GON4L: variants seen among roughly 807,000 people sequenced by gnomAD.
GON4L encodes the protein gon-4 like.
GON4L carries 87 observed loss-of-function variants against 211.8 expected under a neutral mutation model. The observed-to-expected ratio is 0.41, with a 90% CI of 0.35 to 0.49. The LOEUF (loss-of-function observed/expected upper bound fraction) is 0.49. Ranked by LOEUF, GON4L falls within the 20% of genes least tolerant of loss-of-function variation. The pLI is 0.15. For synonymous variants in GON4L, 875 were observed against 962.6 expected (o/e 0.91, Z 1.68); for missense variants, 2,155 against 2,659.5 (o/e 0.81, Z 4.17).
chr1:155,753,087 A>C, intron 29 of GON4L, 117 bp downstream of exon 29: 1 of 740,082 alleles, frequency 1.4e-6, no homozygotes, highest in Non-Finnish European at 2.3e-6. Flanking sequence ...CCATCAGTGA[A>C]AGAGGTGGTA....
In GON4L at chr1:155,771,088, T is replaced by C; in HGVS notation, c.2625A>G (p.Arg875=). The C allele has an allele frequency of 6.2e-7, 1 of 1,614,178 alleles. No homozygotes were observed. The highest frequency in any genetic ancestry group is 8.5e-7 in the Non-Finnish European group (1 of 1,180,026). Residue 875 remains arginine, a synonymous_variant, in exon 19 of 32, where the codon AGA becomes AGG. Transcript: ENST00000368331. ...TCACTTTAATGATGTTGTCAGGAGCTCTGTTCATGTTGAGGTTCTTGATTC... is the reference window on the plus strand; with the variant it reads ...TCACTTTAATGATGTTGTCAGGAGCCCTGTTCATGTTGAGGTTCTTGATTC... ...TVRIKNLNMN[R]APDNIIKFYK... is the part of the protein sequence containing the mutation.
At chr1:155,855,501 C>A (rs987402245) in intron 1 of GON4L, among the ~76,000 whole-genome samples, 1 of 152,074 alleles carries the variant, frequency 6.6e-6, no homozygotes, top group South Asian at 2.1e-4. Flanking sequence ...GGATTACGGT[C>A]CCATCCAAGC....
At chr1:155,827,699 C>CA (rs35834212) in intron 2 of GON4L, among the ~76,000 whole-genome samples, 150 of 146,338 alleles carry the variant, frequency 1.0e-3, no homozygotes, top group African/African-American at 3.7e-3. Context: ...CACACACACA[C>CA]AAAAAAAAAA....
upstream of GON4L, among the ~76,000 whole-genome samples, chr1:155,858,281 T>G (rs1672432338): frequency 6.6e-6 from 1 of 152,138 alleles, no homozygotes; most frequent in Non-Finnish European, 1.5e-5. Context: ...AAAAACAGAA[T>G]GTCAAAAGGT....
At chr1:155,831,433 G>C (rs1240760147) in intron 2 of GON4L, 1 of 151,352 alleles carries the variant, frequency 6.6e-6, no homozygotes, top group African/African-American at 2.4e-5. Flanking sequence ...GTGGGCTACA[G>C]AGTAAGACTC....
intron 2 of GON4L, among the ~76,000 whole-genome samples, chr1:155,837,907 T>C (rs1174175277): frequency 1.3e-5 from 2 of 152,214 alleles, no homozygotes; most frequent in East Asian, 3.8e-4. Flanking sequence ...CAGCTATCTT[T>C]AATAAAGTCC....
intron 2 of GON4L, among the ~76,000 whole-genome samples, chr1:155,830,398 C>T (rs971146662): frequency 6.6e-6 from 1 of 151,664 alleles, no homozygotes; most frequent in African/African-American, 2.4e-5. Context: ...CTGGCTCAGC[C>T]TCCCGAGTGG....
intron 11 of GON4L, among the ~76,000 whole-genome samples, chr1:155,797,246 C>A (rs1363690392): frequency 6.6e-6 from 1 of 151,968 alleles, no homozygotes; most frequent in Non-Finnish European, 1.5e-5. Flanking sequence ...TCCCGAGTAG[C>A]TGGGACTACA....
chr1:155,765,880 A>G lies in GON4L; in HGVS notation c.3593T>C (p.Leu1198Pro). The G allele has an allele frequency of 1.9e-6, 3 of 1,614,178 alleles. No individual in the cohort carries two copies. Among genetic ancestry groups the G allele is most frequent in the Non-Finnish European group, 2.5e-6 (3 of 1,180,018 alleles). ...TAAGGGTGAGACAGAGGAGGCCACA[A>G]GGGACTGGTTCAATGGACAGGGGAA... is the stretch of plus-strand genomic sequence containing the variant. The part of the protein sequence containing the change: ...TSFPCPLNQS[L>P]VASSVSPLIV... Residue 1198 changes from leucine to proline, a missense_variant, in exon 21 of 32, where the codon CTT becomes CCT. By Grantham distance (98) the Leu-to-Pro change is moderately conservative. Coordinates refer to ENST00000368331, the MANE Select transcript of GON4L (RefSeq NM_001282860.2).
chr1:155,820,411 G>A (rs1344115450), intron 6 of GON4L, among the ~76,000 whole-genome samples, 195 bp downstream of exon 6: 1 of 152,154 alleles, frequency 6.6e-6, no homozygotes, highest in Non-Finnish European at 1.5e-5. Flanking sequence ...AAAAAGCAAT[G>A]CTTCATATCT....
At chr1:155,780,048 C>T (rs764464107) in intron 14 of GON4L, among the ~76,000 whole-genome samples, 1 of 152,030 alleles carries the variant, frequency 6.6e-6, no homozygotes, top group Non-Finnish European at 1.5e-5. Context: ...ATCCACCTGC[C>T]TTGGCCTCCC....
intron 11 of GON4L, among the ~76,000 whole-genome samples, chr1:155,797,923 T>G (rs1380795869): frequency 6.6e-6 from 1 of 150,782 alleles, no homozygotes; most frequent in Non-Finnish European, 1.5e-5. Flanking sequence ...ACAAATGACT[T>G]TTTAAAAATT....
chr1:155,771,083 G>A lies in GON4L; in HGVS notation c.2630C>T (p.Pro877Leu). 4 of 1,614,170 alleles carry A rather than the reference G, an allele frequency of 2.5e-6. No homozygotes were observed. The highest frequency in any genetic ancestry group is 3.4e-6 in the Non-Finnish European group (4 of 1,180,028). ...AACACTCACTTTAATGATGTTGTCA[G>A]GAGCTCTGTTCATGTTGAGGTTCTT... ...RIKNLNMNRA[P>L]DNIIKFYKKT... is the part of the protein sequence containing the mutation. The change falls in exon 19 of 32, where the codon CCT becomes CTT. Residue 877 changes from proline to leucine, a missense_variant. Around this residue, in one of 6 missense-constraint regions of GON4L, gnomAD observed 551 missense variants for 854.0 expected, o/e 0.65. Transcript: ENST00000368331.
At chr1:155,800,140 G>A (rs952052625) in intron 11 of GON4L, among the ~76,000 whole-genome samples, 1 of 151,878 alleles carries the variant, frequency 6.6e-6, no homozygotes, top group Non-Finnish European at 1.5e-5. Flanking sequence ...CAGAGGTTGC[G>A]GTGAGCTGAG....
intron 12 of GON4L, among the ~76,000 whole-genome samples, 155 bp from the exon 13 acceptor site, chr1:155,785,529 G>A (rs558984560): frequency 6.6e-6 from 1 of 152,180 alleles, no homozygotes; most frequent in East Asian, 1.9e-4. Context: ...ATGTCACTCA[G>A]GCTGGAGCGC....
At chr1:155,749,026 G>T (rs999974760), downstream of GON4L, among the ~76,000 whole-genome samples, 1 of 152,142 alleles carries the variant, frequency 6.6e-6, no homozygotes. Context: ...GGCTGAGGTG[G>T]GCAGATCACC....
intron 2 of GON4L, among the ~76,000 whole-genome samples, chr1:155,835,288 A>G (rs1477145083): frequency 6.6e-6 from 1 of 151,934 alleles, no homozygotes; most frequent in African/African-American, 2.4e-5. Flanking sequence ...TTAAGTCATC[A>G]CCACTCCCTA....
chr1:155,775,847 C>T (rs914254133), intron 16 of GON4L, among the ~76,000 whole-genome samples: 17 of 152,098 alleles, frequency 1.1e-4, no homozygotes, highest in Middle Eastern at 3.2e-3. Flanking sequence ...TGCAGTGGCG[C>T]GATCTCAGCT....
intron 20 of GON4L, 117 bp downstream of exon 20, chr1:155,767,308 T>C (rs1662616189): frequency 1.2e-6 from 2 of 1,604,278 alleles, no homozygotes; most frequent in African/African-American, 1.3e-5. Flanking sequence ...ATCAGGAAGA[T>C]TTCTAAAGTC....
Sources: allele counts gnomAD v4.1 joint callset (sites outside exome capture counted in the v4.1 genomes callset), GRCh38; gene constraint gnomAD v4.1.1; regional missense constraint gnomAD v4.1.1; transcripts MANE v1.5; gene names NCBI Gene and HGNC (gene_info 2026-07-23, HGNC 2026-07-21).